STON2: variants seen among roughly 807,000 people sequenced by gnomAD.
STON2 encodes stonin 2.
STON2 carries 29 observed loss-of-function variants against 65.7 expected under a neutral mutation model. The ratio of observed to expected loss-of-function variants is 0.44; its 90% CI spans 0.33 to 0.60. The LOEUF (loss-of-function observed/expected upper bound fraction) is 0.60. Ranked by LOEUF, STON2 falls within the 20% of genes least tolerant of loss-of-function variation. The pLI is 0.03. For synonymous variants in STON2, 404 were observed against 414.2 expected, an observed-to-expected ratio of 0.98 and a Z score of 0.30; for missense variants, 1,054 against 1,118.1, an observed-to-expected ratio of 0.94 and a Z score of 0.82.
intron 4 of STON2, among the ~76,000 whole-genome samples, chr14:81,370,004 G>C (rs1898912652): frequency 6.6e-6 from 1 of 152,160 alleles, no homozygotes; most frequent in African/African-American, 2.4e-5. Context: ...CACAGCTTCT[G>C]AAGACAAAGG....
At chr14:81,298,424 G>GGGGGA (rs200117715) in intron 5 of STON2, among the ~76,000 whole-genome samples, 4 of 145,512 alleles carry the variant, frequency 2.7e-5, no homozygotes, top group African/African-American at 5.0e-5. Flanking sequence ...TGGGGGGGGG[G>GGGGGA]AATCACAGAA....
Position 81,278,046 on chromosome 14 carries a change from G to C in STON2, c.1436C>G (p.Ser479Cys). The change falls in exon 6 of 8, where the codon TCC becomes TGC. Residue 479 changes from serine to cysteine, a missense_variant. Ser to Cys is a moderately radical substitution (Grantham distance 112). Coordinates refer to ENST00000614646, the MANE Select transcript of STON2 (RefSeq NM_001394390.1). ...LDAHPPGSAR[S>C]QPRDGWPMML... ...CATTGGCCACCCGTCACGAGGCTGG[G>C]ACCGTGCTGATCCAGGCGGGTGAGC... The C allele has an allele frequency of 1.2e-6, 2 of 1,614,218 alleles. No individual in the cohort carries two copies. The highest frequency in any genetic ancestry group is 1.7e-6 in the Non-Finnish European group (2 of 1,180,034).
At chr14:81,363,070 A>G (rs1228472072) in intron 4 of STON2, among the ~76,000 whole-genome samples, 1 of 152,194 alleles carries the variant, frequency 6.6e-6, no homozygotes, top group African/African-American at 2.4e-5. Context: ...CCAGCCTCCC[A>G]CAGTATACCA....
intron 5 of STON2, among the ~76,000 whole-genome samples, chr14:81,296,911 A>T (rs1377058571): frequency 6.6e-6 from 1 of 150,446 alleles, no homozygotes; most frequent in African/African-American, 2.5e-5. Flanking sequence ...TTTCTGATTA[A>T]GCTTGTGTAA....
At chr14:81,366,517 T>A (rs1363046256) in intron 4 of STON2, among the ~76,000 whole-genome samples, 1 of 151,830 alleles carries the variant, frequency 6.6e-6, no homozygotes, top group East Asian at 1.9e-4. Flanking sequence ...GAGACTGCAG[T>A]TCCAAGGAAC....
chr14:81,338,125 T>C (rs1056819886), intron 4 of STON2, among the ~76,000 whole-genome samples: 10 of 152,178 alleles, frequency 6.6e-5, no homozygotes, highest in Admixed American at 3.3e-4. Context: ...TTGGAATTTC[T>C]TGGGTGAAAG....
intron 4 of STON2, among the ~76,000 whole-genome samples, chr14:81,343,846 C>A (rs1349019632): frequency 6.6e-6 from 1 of 152,134 alleles, no homozygotes; most frequent in East Asian, 1.9e-4. Context: ...TATTTCCATT[C>A]TACAGCTGAG....
At chr14:81,362,854 C>A (rs970655642) in intron 4 of STON2, among the ~76,000 whole-genome samples, 5 of 152,078 alleles carry the variant, frequency 3.3e-5, no homozygotes, top group African/African-American at 1.2e-4. Flanking sequence ...AGGCAACATG[C>A]TGGGGATATA....
chr14:81,269,806 G>T, intron 7 of STON2: 1 of 985,360 alleles, frequency 1.0e-6, no homozygotes, highest in Non-Finnish European at 1.2e-6. Context: ...AACTCCCCAG[G>T]AAAGTATCAC....
intron 4 of STON2, among the ~76,000 whole-genome samples, chr14:81,369,641 G>A (rs1360984960): frequency 2.0e-5 from 3 of 152,142 alleles, no homozygotes; most frequent in Non-Finnish European, 4.4e-5. Flanking sequence ...ACTTGGTGAG[G>A]TATACCCATT....
In STON2 at chr14:81,422,731, C is replaced by G. The variant is rs148157828; in HGVS notation, c.-199+4371G>C. ...AAGTGCACGGGTTTCTGTGGGTCCA[C>G]CTAGTATTTCTAGACTTCCAGGCCA... On this transcript the variant is annotated intron_variant, in intron 2 of 8. Coordinates refer to the STON2 transcript ENST00000553821. Among the ~76,000 whole-genome samples, 144 of 152,206 alleles carry G rather than the reference C, an allele frequency of 9.5e-4. 1 individual carries two copies. The highest frequency in any genetic ancestry group is 3.3e-3 in the African/African-American group (139 of 41,518).
rs1157347790 is a variant in STON2 at position 81,371,086 on chromosome 14, TC to T, written c.472del (p.Asp158ThrfsTer47). On this transcript the variant is annotated frameshift_variant, in exon 4 of 8. Coordinates refer to ENST00000614646, the MANE Select transcript of STON2 (RefSeq NM_001394390.1). LOFTEE classifies it high-confidence loss of function. The part of the protein sequence containing the change: ...SESSWTTHSE[D>X]TSSPSFGCSY... ...ACATCCAAAGCTAGGACTGCTGGTG[TC>T]TTCAGAATGGGTGGTCCAGCTGCTC... is the stretch of plus-strand genomic sequence containing the variant. 1 of 1,614,058 alleles carries T rather than the reference TC, an allele frequency of 6.2e-7. No homozygotes were observed. Among genetic ancestry groups the T allele is most frequent in the Admixed American group, 1.7e-5 (1 of 60,018 alleles).
chr14:81,329,651 A>G (rs1168199527), intron 4 of STON2, among the ~76,000 whole-genome samples: 1 of 152,172 alleles, frequency 6.6e-6, no homozygotes, highest in Non-Finnish European at 1.5e-5. Flanking sequence ...CGTTGTTTTC[A>G]GCCACCCAGT....
chr14:81,418,148 T>G (rs1306630920), intron 2 of STON2: 1 of 153,104 alleles, frequency 6.5e-6, no homozygotes, highest in Non-Finnish European at 1.5e-5. Flanking sequence ...AAGAAAAAGG[T>G]TTAACTGGAC....
At chr14:81,307,992 G>GT (rs1221642160) in intron 5 of STON2, among the ~76,000 whole-genome samples, 9 of 152,114 alleles carry the variant, frequency 5.9e-5, no homozygotes, top group African/African-American at 2.2e-4. Flanking sequence ...AGGGTCAACT[G>GT]TATCTGATGG....
At chr14:81,415,778 T>A (rs1901404092) in intron 2 of STON2, among the ~76,000 whole-genome samples, 1 of 152,150 alleles carries the variant, frequency 6.6e-6, no homozygotes, top group South Asian at 2.1e-4. Flanking sequence ...ACTTAAGGTT[T>A]TAATTTGGTC....
chr14:81,283,890 T>C (rs1895231291), intron 5 of STON2, among the ~76,000 whole-genome samples: 1 of 152,196 alleles, frequency 6.6e-6, no homozygotes. Flanking sequence ...GCACCATCTT[T>C]ACAACAGCAC....
intron 4 of STON2, among the ~76,000 whole-genome samples, chr14:81,359,230 T>C (rs1201804933): frequency 1.3e-5 from 2 of 152,162 alleles, no homozygotes; most frequent in Non-Finnish European, 1.5e-5. Flanking sequence ...ATCAATCACA[T>C]GGAGAATTTC....
intron 5 of STON2, among the ~76,000 whole-genome samples, chr14:81,318,593 G>GT (rs2140235369): frequency 6.6e-6 from 1 of 152,318 alleles, no homozygotes; most frequent in East Asian, 1.9e-4. Flanking sequence ...GCTCACGTTT[G>GT]TAATTCCAGC....
Sources: allele counts gnomAD v4.1 joint callset (sites outside exome capture counted in the v4.1 genomes callset), GRCh38; gene constraint gnomAD v4.1.1; transcripts MANE v1.5; gene names NCBI Gene and HGNC (gene_info 2026-07-23, HGNC 2026-07-21).